TBC1D31: variants seen among roughly 807,000 people sequenced by gnomAD.
TBC1D31 encodes TBC1 domain family member 31, also known as WD repeat domain 67.
Under a neutral mutation model 132.9 loss-of-function variants are expected in TBC1D31, and 99 were observed. The observed-to-expected ratio is 0.74, with a 90% CI of 0.63 to 0.88. TBC1D31 has a LOEUF of 0.88. TBC1D31 is among the 40% of genes least tolerant of loss of function. The probability of loss-of-function intolerance (pLI) is 0.00; values close to 1 mark genes in which losing one functional copy is unlikely to be tolerated. For missense variants in TBC1D31, 1,134 were observed against 1,256.6 expected (o/e 0.90, Z 1.48); for synonymous variants, 385 against 419.4 (o/e 0.92, Z 1.00).
intron 4 of TBC1D31, among the ~76,000 whole-genome samples, chr8:123,085,592 G>T (rs553330501): frequency 6.6e-6 from 1 of 152,104 alleles, no homozygotes; most frequent in South Asian, 2.1e-4. Flanking sequence ...CTGCCACCAG[G>T]CCCGGCTAAT....
At chr8:123,160,020 A>G in the TBC1D31 span, among the ~76,000 whole-genome samples, 4 of 152,242 alleles carry the variant, frequency 2.6e-5, no homozygotes, top group Admixed American at 1.3e-4. Flanking sequence ...TGTTACAAGT[A>G]ATGAACTGGT....
chr8:123,156,960 C>G (rs187711671), downstream of TBC1D31, among the ~76,000 whole-genome samples: 1 of 152,314 alleles, frequency 6.6e-6, no homozygotes, highest in African/African-American at 2.4e-5. Context: ...TCCTCCCCCC[C>G]GCGACGGCCA....
chr8:123,079,413 T>C (rs1814902530), intron 2 of TBC1D31, among the ~76,000 whole-genome samples: 1 of 152,244 alleles, frequency 6.6e-6, no homozygotes, highest in African/African-American at 2.4e-5. Flanking sequence ...TTTACTTCTC[T>C]GTGATTCATT....
intron 10 of TBC1D31, among the ~76,000 whole-genome samples, chr8:123,114,223 AG>A (rs1285212221): frequency 6.6e-6 from 1 of 152,250 alleles, no homozygotes; most frequent in East Asian, 1.9e-4. Flanking sequence ...GCCAGGCGAC[AG>A]GCTCATGGGG....
At chr8:123,090,823 C>T (rs2130090557) in intron 4 of TBC1D31, among the ~76,000 whole-genome samples, 1 of 152,110 alleles carries the variant, frequency 6.6e-6, no homozygotes, top group South Asian at 2.1e-4. Flanking sequence ...CATGTTGGCA[C>T]ATGCTGTAGT....
At chr8:123,155,877 A>C (rs1216612054), downstream of TBC1D31, among the ~76,000 whole-genome samples, 1 of 152,256 alleles carries the variant, frequency 6.6e-6, no homozygotes, top group Non-Finnish European at 1.5e-5. This position sits in a 1 kb window ranked among gnomAD's most constrained non-coding sequence, Gnocchi z 4.1. Context: ...TACCAGTGAA[A>C]GTCACAGCTA....
intron 4 of TBC1D31, among the ~76,000 whole-genome samples, chr8:123,092,251 G>T (rs1226640049): frequency 1.3e-5 from 2 of 152,078 alleles, no homozygotes; most frequent in Non-Finnish European, 2.9e-5. Flanking sequence ...TTGACCTCAG[G>T]TGATCCACCC....
At chr8:123,123,602 C>T (rs34895889) in intron 11 of TBC1D31, 23,787 of 152,704 alleles carry the variant, frequency 0.16, 1,994 homozygotes, top group Admixed American at 0.22. Flanking sequence ...AAAGGAAAGC[C>T]TGATACAGCA....
intron 17 of TBC1D31, among the ~76,000 whole-genome samples, chr8:123,139,769 T>C (rs2130890032): frequency 6.6e-6 from 1 of 152,328 alleles, no homozygotes; most frequent in South Asian, 2.1e-4. Context: ...CTCCAGTTTT[T>C]CCTGTTAAGC....
intron 4 of TBC1D31, among the ~76,000 whole-genome samples, chr8:123,089,617 A>G (rs1247649839): frequency 1.3e-5 from 2 of 152,246 alleles, no homozygotes; most frequent in African/African-American, 4.8e-5. Flanking sequence ...CTGAGGCATA[A>G]GAATCACTTG....
At position 123,099,107 on chromosome 8, in the gene TBC1D31, T is replaced by G. The variant is rs1369865683; in HGVS notation, c.831+1666T>G. 4.6e-5 allele frequency among the ~76,000 whole-genome samples: 7 copies of G among 152,142 alleles called. No individual in the cohort carries two copies. In the East Asian group the frequency reaches 1.3e-3, roughly 29 times the overall value. ...TAAACTTTTTTATTACATTTTTTTT[T>G]GTTTTGGTTTGGTTTTTGGTTTTTG... On this transcript the variant is annotated intron_variant, in intron 6 of 21. Transcript: ENST00000287380.
intron 1 of TBC1D31, among the ~76,000 whole-genome samples, chr8:123,075,869 A>C (rs533408744): frequency 6.4e-4 from 98 of 152,294 alleles, no homozygotes; most frequent in East Asian, 1.3e-3. Context: ...CTGTAAGTTA[A>C]TTTTATAAAT....
At chr8:123,137,966 C>G (rs1821260740) in intron 17 of TBC1D31, among the ~76,000 whole-genome samples, 1 of 152,144 alleles carries the variant, frequency 6.6e-6, no homozygotes, top group African/African-American at 2.4e-5. Flanking sequence ...CCCTCTTTTC[C>G]CTTTGGCCTA....
chr8:123,101,114 C>T, intron 7 of TBC1D31, 107 bp downstream of exon 7: 1 of 864,178 alleles, frequency 1.2e-6, no homozygotes, highest in East Asian at 2.7e-5. Context: ...TGGAACTTAT[C>T]CATTTTTCTG....
intron 10 of TBC1D31, among the ~76,000 whole-genome samples, chr8:123,115,763 C>G (rs1016016876): frequency 6.6e-6 from 1 of 152,088 alleles, no homozygotes; most frequent in African/African-American, 2.4e-5. Context: ...CCTCTGTAGT[C>G]GTATCTCCCT....
chr8:123,079,373 A>G (rs2129707925), intron 2 of TBC1D31, among the ~76,000 whole-genome samples: 1 of 152,314 alleles, frequency 6.6e-6, no homozygotes, highest in Admixed American at 6.5e-5. Flanking sequence ...TTGGTAACTT[A>G]AATAGTTAAA....
chr8:123,163,379 T>TG, the TBC1D31 span, among the ~76,000 whole-genome samples: 1 of 148,844 alleles, frequency 6.7e-6, no homozygotes, highest in Non-Finnish European at 1.5e-5. Flanking sequence ...TTTTTTTTTT[T>TG]TTTGAGATAG....
Position 123,096,252 on chromosome 8 carries a change from C to T in TBC1D31, c.672-1030C>T, listed in dbSNP as rs79287619. 2.7e-3 allele frequency among the ~76,000 whole-genome samples: 415 copies of T among 152,216 alleles called. 2 individuals are homozygous for T. The highest frequency in any genetic ancestry group is 0.017 in the Middle Eastern group (5 of 292). On this transcript the variant is annotated intron_variant, in intron 5 of 21. Coordinates refer to ENST00000287380, the MANE Select transcript of TBC1D31 (RefSeq NM_145647.4). ...CTGAGGCCTTCTGTCACCTGGCCTACGCCTCCCTCGCTTCATCTCATTTCC... is the reference window on the plus strand; with the variant it reads ...CTGAGGCCTTCTGTCACCTGGCCTATGCCTCCCTCGCTTCATCTCATTTCC...
rs968640400 is a variant in TBC1D31 at position 123,097,279 on chromosome 8, T to C, written c.672-3T>C. 2 of 1,614,010 alleles carry C rather than the reference T, an allele frequency of 1.2e-6. No homozygotes were observed. The highest frequency in any genetic ancestry group is 1.1e-5 in the South Asian group (1 of 91,042). ...TTTCTTTCTCACTTTTTTGTTTATATAGAGATGGCCGAATCCTGGCTGCTG... is the reference window on the plus strand; with the variant it reads ...TTTCTTTCTCACTTTTTTGTTTATACAGAGATGGCCGAATCCTGGCTGCTG... On this transcript the variant is annotated splice_region_variant and splice_polypyrimidine_tract_variant and intron_variant, in intron 5 of 21. Transcript: ENST00000287380.
Sources: allele counts gnomAD v4.1 joint callset (sites outside exome capture counted in the v4.1 genomes callset), GRCh38; gene constraint gnomAD v4.1.1; non-coding constraint Gnocchi (gnomAD v3.1); transcripts MANE v1.5; gene names NCBI Gene and HGNC (gene_info 2026-07-23, HGNC 2026-07-21).